The following CMTM7 variants were observed in gnomAD, a reference collection of about 807,000 sequenced individuals.
CMTM7 encodes the protein CKLF like MARVEL transmembrane domain containing 7.
A neutral mutation model predicts 19.3 loss-of-function variants in CMTM7; 7 were observed. That is an observed-to-expected ratio of 0.36 (90% CI 0.21 to 0.68). The LOEUF (loss-of-function observed/expected upper bound fraction) is 0.68, where lower values mean the gene tolerates loss of function less well. Ranked by LOEUF, CMTM7 falls within the 30% of genes least tolerant of loss-of-function variation. The pLI, the probability that CMTM7 is intolerant of heterozygous loss-of-function variation, is 0.60. For missense variants in CMTM7, 193 were observed against 232.6 expected, an observed-to-expected ratio of 0.83 and a Z score of 1.11; for synonymous variants, 87 against 99.3, an observed-to-expected ratio of 0.88 and a Z score of 0.74.
In CMTM7 at chr3:32,391,859, C is replaced by G; in HGVS notation, c.-48C>G. 1 of 1,132,536 alleles carries G rather than the reference C, an allele frequency of 8.8e-7. No individual in the cohort carries two copies. Among genetic ancestry groups the G allele is most frequent in the Non-Finnish European group, 1.1e-6 (1 of 909,376 alleles). The allele number at this position is 1,132,536 out of a possible 1,614,324, so 70.2% of individuals were successfully genotyped here. On this transcript the variant is annotated 5_prime_UTR_variant, in exon 1 of 5. Transcript: ENST00000334983. ...CCCCCGGCCCGCCCTCTGTATCTGG[C>G]CCCTGGGCAGCTGCCCGGGGAGGCG... is the stretch of plus-strand genomic sequence containing the variant.
In CMTM7 at chr3:32,454,153, G is replaced by A. The variant is rs72858838; in HGVS notation, c.515-88G>A. 2.2e-3 allele frequency: 3,111 copies of A among 1,416,946 alleles called. 61 individuals are homozygous for A. The African/African-American group carries it at 0.037, about 17-fold the overall frequency. The allele number at this position is 1,416,946 out of a possible 1,614,324, so 87.8% of individuals were successfully genotyped here. On this transcript the variant is annotated intron_variant, in intron 4 of 4. Transcript: ENST00000334983. Reference sequence around the variant, plus strand: ...GTGGAGGACACAGGTGCCCCCCTGAGCAGAACTTGGAGTCAAACCTGTGGA... The same window carrying A: ...GTGGAGGACACAGGTGCCCCCCTGAACAGAACTTGGAGTCAAACCTGTGGA...
At chr3:32,411,633 A>G (rs1696176695) in intron 1 of CMTM7, among the ~76,000 whole-genome samples, 1 of 152,214 alleles carries the variant, frequency 6.6e-6, no homozygotes, top group South Asian at 2.1e-4. Flanking sequence ...CATCAGTCCC[A>G]TACCCTGGGG....
chr3:32,428,084 G>A lies in CMTM7; in HGVS notation c.160-13756G>A, dbSNP rs147522376. ...ATGGGTAAATACGGTCCTTCCTGTGGAGAGTGTGCTGTGAGAGGGGCTTGG... is the reference window on the plus strand; with the variant it reads ...ATGGGTAAATACGGTCCTTCCTGTGAAGAGTGTGCTGTGAGAGGGGCTTGG... On this transcript the variant is annotated intron_variant, in intron 1 of 4. Transcript: ENST00000334983. 9.8e-5 allele frequency among the ~76,000 whole-genome samples: 15 copies of A among 152,324 alleles called. No homozygotes were observed. The East Asian group carries it at 2.7e-3, about 27-fold the overall frequency.
chr3:32,404,191 C>T (rs574293786), intron 1 of CMTM7, among the ~76,000 whole-genome samples: 213 of 123,004 alleles, frequency 1.7e-3, no homozygotes, highest in Non-Finnish European at 2.6e-3. Flanking sequence ...GACAGAGTCT[C>T]ACTCTGTTGC....
chr3:32,394,984 C>T (rs537013740), intron 1 of CMTM7, among the ~76,000 whole-genome samples: 1 of 152,028 alleles, frequency 6.6e-6, no homozygotes, highest in South Asian at 2.1e-4. Flanking sequence ...GTGTGAGCTG[C>T]CGCGCTCGGC....
At chr3:32,427,836 G>C (rs1476811665) in intron 1 of CMTM7, among the ~76,000 whole-genome samples, 1 of 152,228 alleles carries the variant, frequency 6.6e-6, no homozygotes, top group Non-Finnish European at 1.5e-5. Context: ...TCCTTGGCGT[G>C]ATCTGTGAGC....
At chr3:32,452,338 C>T in intron 3 of CMTM7, 54 bp from the exon 4 acceptor site, 1 of 1,613,700 alleles carries the variant, frequency 6.2e-7, no homozygotes. Flanking sequence ...ACAGGATTGC[C>T]CGAGTAATTA....
intron 1 of CMTM7, among the ~76,000 whole-genome samples, chr3:32,404,138 CTTTCTTTTTTTTTCTTTTTT>C (rs1216182010): frequency 1.1e-5 from 1 of 94,742 alleles, no homozygotes; most frequent in Non-Finnish European, 2.5e-5. Flanking sequence ...TCTTTTCTTT[CTTTCTTTTTTTTTCTTTTTT>C]TTTCTTTTTT....
chr3:32,396,324 G>A (rs1353699907), intron 1 of CMTM7, among the ~76,000 whole-genome samples: 2 of 152,112 alleles, frequency 1.3e-5, no homozygotes, highest in Non-Finnish European at 2.9e-5. Flanking sequence ...TGGCCAATAT[G>A]GTGAAGCCCT....
chr3:32,395,352 A>G (rs970596380), intron 1 of CMTM7, among the ~76,000 whole-genome samples: 1 of 152,008 alleles, frequency 6.6e-6, no homozygotes, highest in African/African-American at 2.4e-5. Flanking sequence ...TTATTGTTCT[A>G]GTAATTACAT....
chr3:32,414,722 C>T (rs775476164), intron 1 of CMTM7, among the ~76,000 whole-genome samples: 4 of 152,190 alleles, frequency 2.6e-5, no homozygotes, highest in African/African-American at 4.8e-5. Flanking sequence ...TTTACGACAA[C>T]GGAAGTGCTG....
In CMTM7 at chr3:32,454,513, TCTGCCTTC is replaced by T; in HGVS notation, c.*264_*271del. The stretch of plus-strand genomic sequence containing the variant: ...GAAAGCAGCCTCCAGGGAAATGTTT[TCTGCCTTC>T]CTGCTTCTAGAACCACCTCAGGTAC... On this transcript the variant is annotated 3_prime_UTR_variant, in exon 5 of 5. Transcript: ENST00000334983. 1 of 684,788 alleles carries T rather than the reference TCTGCCTTC, an allele frequency of 1.5e-6. No individual in the cohort carries two copies. The highest frequency in any genetic ancestry group is 2.7e-6 in the Non-Finnish European group (1 of 374,210). 42.4% of individuals were successfully genotyped at this position (684,788 alleles called of 1,614,324 possible). A position where few individuals can be genotyped will look rare whatever the true frequency, so the allele number is the denominator to read the frequency against.
At chr3:32,450,384 A>C (rs1696812634) in intron 3 of CMTM7, among the ~76,000 whole-genome samples, 1 of 152,012 alleles carries the variant, frequency 6.6e-6, no homozygotes, top group Admixed American at 6.6e-5. Context: ...ACGTACTGAG[A>C]CCCTGTGTCT....
At chr3:32,422,243 T>C (rs1206662242) in intron 1 of CMTM7, among the ~76,000 whole-genome samples, 4 of 151,358 alleles carry the variant, frequency 2.6e-5, no homozygotes, top group Non-Finnish European at 5.9e-5. Context: ...CAGACTAATT[T>C]CTTCTTCCCC....
chr3:32,440,405 C>CAA (rs1167647156), intron 1 of CMTM7, among the ~76,000 whole-genome samples: 1 of 146,486 alleles, frequency 6.8e-6, no homozygotes, highest in Non-Finnish European at 1.5e-5. Flanking sequence ...GACTCCATCT[C>CAA]AAAAAAAAAA....
rs1011055357 is a variant in CMTM7, at chr3:32,452,194, C to CTGGG, written c.433-197_433-194dup. 8.3e-5 allele frequency: 125 copies of CTGGG among 1,504,668 alleles called. 1 individual carries two copies. The highest frequency in any genetic ancestry group is 1.0e-4 in the Non-Finnish European group (116 of 1,128,040). 93.2% of individuals were successfully genotyped at this position (1,504,668 alleles called of 1,614,324 possible). A position where few individuals can be genotyped will look rare whatever the true frequency, so the allele number is the denominator to read the frequency against. ...CCCTGACCTGGCCCAACCTGGAGGA[C>CTGGG]TGGGGCCAGTGGCTGGGCCTCGCGG... is the stretch of plus-strand genomic sequence containing the variant. On this transcript the variant is annotated intron_variant, in intron 3 of 4. Transcript: ENST00000334983.
At chr3:32,398,496 T>C (rs1695952139) in intron 1 of CMTM7, among the ~76,000 whole-genome samples, 1 of 152,142 alleles carries the variant, frequency 6.6e-6, no homozygotes, top group Admixed American at 6.5e-5. Flanking sequence ...TGCCTCTTTA[T>C]ACTCAAATAG....
intron 3 of CMTM7, chr3:32,452,021 T>A: frequency 8.1e-7 from 1 of 1,232,626 alleles, no homozygotes; most frequent in Non-Finnish European, 1.1e-6. Flanking sequence ...TCAGATTTTT[T>A]TAACCCAAAT....
At chr3:32,433,428 C>T (rs771393332) in intron 1 of CMTM7, among the ~76,000 whole-genome samples, 31 of 152,196 alleles carry the variant, frequency 2.0e-4, no homozygotes, top group Non-Finnish European at 4.0e-4. Flanking sequence ...GTTCTGGCCC[C>T]ATCACGAGCC....
Sources: gnomAD v4.1 joint callset for allele counts (sites outside exome capture counted in the v4.1 genomes callset) on GRCh38, gnomAD v4.1.1 for gene constraint, MANE v1.5 for transcripts, NCBI Gene and HGNC (gene_info 2026-07-23, HGNC 2026-07-21) for gene names.